Variants in RANBP2 observed in about 807,000 individuals in gnomAD.
RANBP2 encodes E3 SUMO-protein ligase RanBP2.
RANBP2 carries 57 observed loss-of-function variants against 303.6 expected under a neutral mutation model. That is an observed-to-expected ratio of 0.19 (90% CI 0.15 to 0.23). The LOEUF is 0.23. Among genes scored for constraint, RANBP2 ranks in the 10% least tolerant of loss-of-function variants. The pLI, the probability that RANBP2 is intolerant of heterozygous loss-of-function variation, is 1.00. For missense variants in RANBP2, 3,138 were observed against 3,780.8 expected, an observed-to-expected ratio of 0.83 and a Z score of 4.46; for synonymous variants, 1,167 against 1,301.5, an observed-to-expected ratio of 0.90 and a Z score of 2.23.
At chr2:109,566,121 ATTTATT>A in the RANBP2 span, among the ~76,000 whole-genome samples, 5 of 151,908 alleles carry the variant, frequency 3.3e-5, no homozygotes, top group African/African-American at 1.2e-4. Flanking sequence ...AAATTTATTT[ATTTATT>A]TTTATTTTTT....
chr2:108,851,423 T>C, the RANBP2 span, among the ~76,000 whole-genome samples: 1 of 152,136 alleles, frequency 6.6e-6, no homozygotes, highest in East Asian at 1.9e-4. Flanking sequence ...TGCCTCAGCC[T>C]CCCGAGTAGC....
the RANBP2 span, among the ~76,000 whole-genome samples, chr2:109,065,655 C>T: frequency 3.6e-4 from 55 of 152,168 alleles, no homozygotes; most frequent in African/African-American, 1.3e-3. Context: ...TCGTGATGCT[C>T]TGACACCTGA....
At chr2:109,743,464 G>A in the RANBP2 span, among the ~76,000 whole-genome samples, 4 of 146,032 alleles carry the variant, frequency 2.7e-5, no homozygotes, top group South Asian at 2.3e-4. Flanking sequence ...AAGAAAAATC[G>A]ACAGTTGGAC....
the RANBP2 span, among the ~76,000 whole-genome samples, chr2:109,060,628 ACTCTT>A: frequency 6.6e-6 from 1 of 152,042 alleles, no homozygotes; most frequent in Admixed American, 6.5e-5. Context: ...CTGCAGTTAA[ACTCTT>A]CTCTTGAGTC....
chr2:108,819,493 G>A, the RANBP2 span, among the ~76,000 whole-genome samples: 1 of 152,158 alleles, frequency 6.6e-6, no homozygotes, highest in Non-Finnish European at 1.5e-5. Context: ...GCTGCAGCAC[G>A]TAAGAGCTGC....
chr2:109,341,014 C>T, the RANBP2 span, among the ~76,000 whole-genome samples: 1 of 152,264 alleles, frequency 6.6e-6, no homozygotes, highest in Non-Finnish European at 1.5e-5. Flanking sequence ...TGCATCCACG[C>T]AACAGCTTAG....
Position 108,719,687 on chromosome 2 carries a change from G to T in RANBP2, c.72+9G>T. ...CCCCGTCGCCTCGACAGGTGAGTGGGTCTCGAAGAGACCGACGGCCTCGAC... is the reference window on the plus strand; with the variant it reads ...CCCCGTCGCCTCGACAGGTGAGTGGTTCTCGAAGAGACCGACGGCCTCGAC... On this transcript the variant is annotated intron_variant, in intron 1 of 28. Transcript: ENST00000283195. 6.3e-7 allele frequency: 1 copy of T among 1,599,478 alleles called. No homozygotes were observed. Among genetic ancestry groups the T allele is most frequent in the East Asian group, 2.3e-5 (1 of 44,396 alleles).
intron 1 of RANBP2, chr2:108,720,322 TC>T: frequency 1.5e-6 from 1 of 688,932 alleles, no homozygotes; most frequent in Non-Finnish European, 1.8e-6. Context: ...CTCGCCCCCC[TC>T]CCCGCCCGGA....
the RANBP2 span, chr2:108,884,655 A>G: frequency 1.3e-5 from 2 of 152,208 alleles, no homozygotes; most frequent in African/African-American, 4.8e-5. Flanking sequence ...TTGGCCAAGG[A>G]GCAAATGACA....
the RANBP2 span, among the ~76,000 whole-genome samples, chr2:109,040,794 A>G: frequency 6.8e-3 from 1,036 of 152,260 alleles, 6 homozygotes; most frequent in East Asian, 0.035. Context: ...GGTGGCCCAC[A>G]CCTGTAATCC....
chr2:109,299,643 C>G, the RANBP2 span, among the ~76,000 whole-genome samples: 1 of 152,176 alleles, frequency 6.6e-6, no homozygotes, highest in Non-Finnish European at 1.5e-5. Flanking sequence ...TTGTAAGGCC[C>G]TTCCTTTGCC....
chr2:109,543,628 T>C, the RANBP2 span: 6 of 152,380 alleles, frequency 3.9e-5, no homozygotes, highest in Admixed American at 3.9e-4. Context: ...ATAAATGTAA[T>C]CAGATAGCCA....
the RANBP2 span, among the ~76,000 whole-genome samples, chr2:109,606,980 A>C: frequency 6.6e-6 from 1 of 152,332 alleles, no homozygotes; most frequent in African/African-American, 2.4e-5. Flanking sequence ...ATAGTGAAGA[A>C]TTGAAAGGCT....
At chr2:109,265,666 T>G in the RANBP2 span, among the ~76,000 whole-genome samples, 1 of 152,190 alleles carries the variant, frequency 6.6e-6, no homozygotes, top group East Asian at 1.9e-4. Context: ...GTGTCTTTGA[T>G]TTGGGTTGAA....
At chr2:109,437,093 T>C in the RANBP2 span, 17 of 1,613,484 alleles carry the variant, frequency 1.1e-5, no homozygotes, top group South Asian at 5.5e-5. Context: ...GGCAGCTGTC[T>C]ACGGCACTCA....
the RANBP2 span, among the ~76,000 whole-genome samples, chr2:109,607,896 G>A: frequency 1.3e-5 from 2 of 152,018 alleles, no homozygotes; most frequent in Non-Finnish European, 1.5e-5. Flanking sequence ...TTTATAAGAC[G>A]ACAAAAGGAC....
the RANBP2 span, among the ~76,000 whole-genome samples, chr2:108,932,284 T>G: frequency 1.3e-5 from 2 of 151,890 alleles, no homozygotes; most frequent in Non-Finnish European, 2.9e-5. Context: ...ATCCCAGCAC[T>G]TTGGGAGGCT....
At chr2:109,183,356 A>T in the RANBP2 span, among the ~76,000 whole-genome samples, 1 of 152,218 alleles carries the variant, frequency 6.6e-6, no homozygotes, top group Non-Finnish European at 1.5e-5. Context: ...GAGTCTACAC[A>T]GGGAACCAAA....
the RANBP2 span, among the ~76,000 whole-genome samples, chr2:109,284,168 A>G: frequency 2.0e-5 from 3 of 152,130 alleles, no homozygotes; most frequent in African/African-American, 7.2e-5. Flanking sequence ...GGGCGGTCCC[A>G]GGGGAAGGGG....
Sources: allele counts gnomAD v4.1 joint callset (sites outside exome capture counted in the v4.1 genomes callset), GRCh38; gene constraint gnomAD v4.1.1; transcripts MANE v1.5; gene names NCBI Gene and HGNC (gene_info 2026-07-23, HGNC 2026-07-21).